Variants in SPATA4 observed in about 807,000 individuals in gnomAD.
The protein encoded by SPATA4 is spermatogenesis-associated protein 4.
In SPATA4, 35 loss-of-function variants were observed where a neutral mutation model predicts 31.8. The ratio of observed to expected loss-of-function variants is 1.10; its 90% CI spans 0.84 to 1.46. The LOEUF is 1.46. Ranked by LOEUF, SPATA4 falls within the 40% of genes most tolerant of loss-of-function variation. The probability of loss-of-function intolerance (pLI) is 0.00; values close to 1 mark genes in which losing one functional copy is unlikely to be tolerated. For synonymous variants in SPATA4, 126 were observed against 132.4 expected (o/e 0.95, Z 0.33); for missense variants, 394 against 363.1 (o/e 1.09, Z -0.69).
intron 4 of SPATA4, among the ~76,000 whole-genome samples, chr4:176,191,373 C>T (rs912583749): frequency 2.0e-5 from 3 of 152,116 alleles, no homozygotes; most frequent in Non-Finnish European, 4.4e-5. Flanking sequence ...GGATTACAGG[C>T]GTGAGCCACC....
chr4:176,186,171 G>T (rs1333049996), intron 5 of SPATA4, among the ~76,000 whole-genome samples: 1 of 152,162 alleles, frequency 6.6e-6, no homozygotes. Flanking sequence ...TCAAATATCA[G>T]CAGGCATCAG....
Position 176,192,638 on chromosome 4 carries a change from T to A in SPATA4, c.677A>T (p.Lys226Ile). 2 of 1,613,964 alleles carry A rather than the reference T, an allele frequency of 1.2e-6. No individual in the cohort carries two copies. Among genetic ancestry groups the A allele is most frequent in the Non-Finnish European group, 1.7e-6 (2 of 1,179,906 alleles). The change falls in exon 4 of 6, where the codon AAA becomes ATA. Residue 226 changes from lysine (K) to isoleucine (I), a missense_variant. Physicochemically the swap from Lys to Ile is moderately radical, Grantham distance 102. Transcript: ENST00000280191. Reference protein sequence around the residue: ...LHMLQRKLGRKLNPEWFDVKP... With the variant: ...LHMLQRKLGRILNPEWFDVKP... ...AAAGGAAAACTTACCTGGATTCAAT[T>A]TTCTGCCTAATTTTCTTTGCAACAT...
Position 176,188,010 on chromosome 4 carries a change from A to T in SPATA4, c.805+109T>A, listed in dbSNP as rs1444653766. On this transcript the variant is annotated intron_variant, in intron 5 of 5. Coordinates refer to ENST00000280191, the MANE Select transcript of SPATA4 (RefSeq NM_144644.4). ...AGTGTAATTGGCAGTGTAGGACTGAATGTTGACCTATACCAACATTTTAAC... is the reference window on the plus strand; with the variant it reads ...AGTGTAATTGGCAGTGTAGGACTGATTGTTGACCTATACCAACATTTTAAC... The T allele has an allele frequency of 3.8e-6, 3 of 787,258 alleles. No individual in the cohort carries two copies. In the African/African-American group the frequency reaches 5.2e-5, roughly 14 times the overall value. The allele number at this position is 787,258 out of a possible 1,614,324, so 48.8% of individuals were successfully genotyped here. A position where few individuals can be genotyped will look rare whatever the true frequency, so the allele number is the denominator to read the frequency against.
rs762935400 is a variant in SPATA4 at position 176,192,799 on chromosome 4, G to C, written c.516C>G (p.Tyr172Ter). 2 of 1,613,972 alleles carry C rather than the reference G, an allele frequency of 1.2e-6. No individual in the cohort carries two copies. Among genetic ancestry groups the C allele is most frequent in the African/African-American group, 1.3e-5 (1 of 74,924 alleles). Residue 172 changes from tyrosine to a stop codon, truncating the protein, a stop_gained, in exon 4 of 6, where the codon TAC becomes TAG. Transcript: ENST00000280191. LOFTEE classifies it high-confidence loss of function. ...DDFVNFTDYS[Y>*]QMRLPLVSRS... ...TGGAAACCAGGGGTAAACGCATCTG[G>C]TAGCTATAGTCCGTGAAATTCACAA...
intron 2 of SPATA4, 64 bp downstream of exon 2, chr4:176,193,389 T>C: frequency 4.5e-6 from 7 of 1,568,172 alleles, no homozygotes; most frequent in Middle Eastern, 1.7e-4. Flanking sequence ...ATCCAGGAAA[T>C]TAGCATGGCA....
At chr4:176,187,197 C>T (rs374663877) in intron 5 of SPATA4, among the ~76,000 whole-genome samples, 2 of 152,254 alleles carry the variant, frequency 1.3e-5, no homozygotes, top group East Asian at 3.9e-4. Flanking sequence ...CTCAACCCAA[C>T]TGTTGAAGGG....
At chr4:176,193,695 G>A in intron 1 of SPATA4, 113 bp from the exon 2 acceptor site, 5 of 1,136,920 alleles carry the variant, frequency 4.4e-6, no homozygotes, top group Non-Finnish European at 5.9e-6. Context: ...TGTAAAGTGA[G>A]TGTTGTTGGA....
intron 4 of SPATA4, among the ~76,000 whole-genome samples, chr4:176,191,589 T>A (rs1752533887): frequency 1.3e-5 from 2 of 152,228 alleles, no homozygotes; most frequent in South Asian, 4.1e-4. Context: ...TACATATACA[T>A]TATATACGTG....
chr4:176,184,909 A>G lies in SPATA4; in HGVS notation c.806-17T>C. The G allele has an allele frequency of 6.8e-7, 1 of 1,479,562 alleles. No individual in the cohort carries two copies. The highest frequency in any genetic ancestry group is 9.3e-7 in the Non-Finnish European group (1 of 1,076,934). 91.7% of individuals were successfully genotyped at this position (1,479,562 alleles called of 1,614,324 possible). ...CTATATTTGCTGGGACATTTAAATA[A>G]GCAAAATTAAAATCAATTCATGGTT... On this transcript the variant is annotated splice_polypyrimidine_tract_variant and intron_variant, in intron 5 of 5. Coordinates refer to ENST00000280191, the MANE Select transcript of SPATA4 (RefSeq NM_144644.4).
chr4:176,194,713 C>G (rs976229189), intron 1 of SPATA4: 3 of 148,068 alleles, frequency 2.0e-5, no homozygotes, highest in African/African-American at 7.5e-5. Context: ...TAAACTGATC[C>G]TTACCAGTAT....
chr4:176,193,212 T>G, intron 2 of SPATA4, 136 bp from the exon 3 acceptor site: 1 of 767,236 alleles, frequency 1.3e-6, no homozygotes, highest in South Asian at 1.9e-5. Flanking sequence ...TATTAAAAGA[T>G]AATATTCAGC....
chr4:176,190,201 T>C (rs1752506501), intron 4 of SPATA4, among the ~76,000 whole-genome samples: 1 of 152,162 alleles, frequency 6.6e-6, no homozygotes, highest in Non-Finnish European at 1.5e-5. Context: ...TGCCTTTTAG[T>C]TTTTACTTCT....
chr4:176,188,379 G>A, intron 4 of SPATA4, 144 bp from the exon 5 acceptor site: 1 of 583,298 alleles, frequency 1.7e-6, no homozygotes, highest in Non-Finnish European at 3.1e-6. Context: ...TAGGTTAATA[G>A]TCCCTCCCCA....
chr4:176,192,710 T>C lies in SPATA4; in HGVS notation c.605A>G (p.Asn202Ser). Residue 202 changes from asparagine to serine, a missense_variant, in exon 4 of 6, where the codon AAC (asparagine) becomes AGC (serine). Asn to Ser is a conservative substitution (Grantham distance 46, BLOSUM62 1). Transcript: ENST00000280191. ...CGCTTTAAGTTCATTGGTCAGCATG[T>C]TGGGATTGCTTAGTAATTCTGATAA... ...IRLSELLSNP[N>S]MLTNELKAEF... The C allele has an allele frequency of 1.2e-6, 2 of 1,614,134 alleles. No individual in the cohort carries two copies. Among genetic ancestry groups the C allele is most frequent in the Non-Finnish European group, 1.7e-6 (2 of 1,180,000 alleles).
chr4:176,192,736 C>A lies in SPATA4; in HGVS notation c.579G>T (p.Arg193Ser), dbSNP rs767632250. 169 of 1,614,076 alleles carry A rather than the reference C, an allele frequency of 1.0e-4. 1 individual carries two copies. The highest frequency in any genetic ancestry group is 9.9e-4 in the Middle Eastern group (6 of 6,062). The change falls in exon 4 of 6, where the codon AGG becomes AGT. Residue 193 changes from arginine (R) to serine (S), a missense_variant. Arg to Ser is a moderately radical substitution (Grantham distance 110). Transcript: ENST00000280191. ...TVSKSIKDNI[R>S]LSELLSNPNM... is the part of the protein sequence containing the mutation. ...TGGGATTGCTTAGTAATTCTGATAA[C>A]CTAATGTTATCTTTAATAGACTTCG...
intron 4 of SPATA4, 137 bp from the exon 5 acceptor site, chr4:176,188,372 G>A (rs1228282444): frequency 3.4e-6 from 2 of 590,388 alleles, no homozygotes. Context: ...GAATACCTAG[G>A]TTAATAGTCC....
At position 176,184,806 on chromosome 4, in the gene SPATA4, T is replaced by C. The variant is rs764610137; in HGVS notation, c.892A>G (p.Ile298Val). 21 of 1,593,826 alleles carry C rather than the reference T, an allele frequency of 1.3e-5. No individual in the cohort carries two copies. Among genetic ancestry groups the C allele is most frequent in the African/African-American group, 8.1e-5 (6 of 73,982 alleles). ...QHSYYSAMKPIRNMDKKP is the reference protein window; with the variant it reads ...QHSYYSAMKPVRNMDKKP Reference sequence around the variant, plus strand: ...CAAGGTTTCTTGTCCATGTTTCTGATAGGTTTCATAGCAGAGTAATAAGAA... The same window carrying C: ...CAAGGTTTCTTGTCCATGTTTCTGACAGGTTTCATAGCAGAGTAATAAGAA... The change falls in exon 6 of 6, where the codon ATC becomes GTC. Residue 298 changes from isoleucine (I) to valine (V), a missense_variant. By Grantham distance (29) the Ile-to-Val change is conservative. Coordinates refer to ENST00000280191, the MANE Select transcript of SPATA4 (RefSeq NM_144644.4).
At chr4:176,189,700 C>G (rs535032104) in intron 4 of SPATA4, among the ~76,000 whole-genome samples, 2 of 152,232 alleles carry the variant, frequency 1.3e-5, no homozygotes, top group African/African-American at 2.4e-5. Flanking sequence ...TACATACATG[C>G]AAACTGAAAC....
At position 176,193,467 on chromosome 4, in the gene SPATA4, C is replaced by T. The variant is rs1233527907; in HGVS notation, c.334G>A (p.Ala112Thr). 1 of 1,613,134 alleles carries T rather than the reference C, an allele frequency of 6.2e-7. No homozygotes were observed. Among genetic ancestry groups the T allele is most frequent in the African/African-American group, 1.3e-5 (1 of 74,872 alleles). Reference protein sequence around the residue: ...TSLKVKLDNWAQLEKFLARKK... With the variant: ...TSLKVKLDNWTQLEKFLARKK... ...TGCTAACGTACCTTCTCCAACTGTG[C>T]CCAGTTATCCAACTTGACTTTTAAA... The change falls in exon 2 of 6, where the codon GCA (alanine) becomes ACA (threonine). Residue 112 changes from alanine (A) to threonine (T), a missense_variant. Physicochemically the swap from Ala to Thr is moderately conservative, Grantham distance 58. Coordinates refer to ENST00000280191, the MANE Select transcript of SPATA4 (RefSeq NM_144644.4).
Sources: allele counts gnomAD v4.1 joint callset (sites outside exome capture counted in the v4.1 genomes callset), GRCh38; gene constraint gnomAD v4.1.1; transcripts MANE v1.5; gene names NCBI Gene and HGNC (gene_info 2026-07-23, HGNC 2026-07-21).